Variants in LRTM2 observed in about 807,000 individuals in gnomAD.
LRTM2 encodes the protein leucine rich repeat transmembrane protein 2.
Under a neutral mutation model 28.1 loss-of-function variants are expected in LRTM2, and 18 were observed. The ratio of observed to expected loss-of-function variants is 0.64; its 90% CI spans 0.44 to 0.95. LRTM2 has a LOEUF of 0.95. Among genes scored for constraint, LRTM2 ranks in the 40% least tolerant of loss-of-function variants. LRTM2 has a pLI of 0.00. For synonymous variants in LRTM2, 250 were observed against 218.7 expected (o/e 1.14, Z -1.26); for missense variants, 436 against 497.2 (o/e 0.88, Z 1.17).
Position 1,828,269 on chromosome 12 carries a change from G to T in LRTM2, c.67+54G>T. On this transcript the variant is annotated intron_variant, in intron 3 of 4. Transcript: ENST00000299194. This position sits in a 1 kb window ranked among gnomAD's most constrained non-coding sequence, Gnocchi z 4.2. ...GTGCGGGTTGGGTGGGGGTGCCGAGGTGACTGTAGGTAGCGCCATATGGGA... is the reference window on the plus strand; with the variant it reads ...GTGCGGGTTGGGTGGGGGTGCCGAGTTGACTGTAGGTAGCGCCATATGGGA... 2.1e-6 allele frequency: 3 copies of T among 1,452,174 alleles called. No homozygotes were observed. The highest frequency in any genetic ancestry group is 2.8e-6 in the Non-Finnish European group (3 of 1,076,870). 90.0% of individuals were successfully genotyped at this position (1,452,174 alleles called of 1,614,324 possible).
chr12:1,822,850 G>T (rs762786496), intron 1 of LRTM2, among the ~76,000 whole-genome samples: 1 of 152,154 alleles, frequency 6.6e-6, no homozygotes, highest in Admixed American at 6.5e-5. Flanking sequence ...CCTCCCCTGC[G>T]TCCTGGCCAC....
rs768025964 is a variant in LRTM2, at chr12:1,831,008, C to T, written c.141C>T (p.Ser47=). ...PTCPFSCKCD[S]RSLEVDCSGL... is the part of the protein sequence containing the mutation. The stretch of plus-strand genomic sequence containing the variant: ...GCCCTTTCTCCTGCAAGTGTGACAG[C>T]CGCAGCCTGGAGGTGGACTGCAGTG... Residue 47 remains serine, a synonymous_variant, in exon 4 of 5, where the codon AGC becomes AGT. Transcript: ENST00000299194. The T allele has an allele frequency of 6.2e-7, 1 of 1,614,154 alleles. No homozygotes were observed.
chr12:1,828,946 C>T lies in LRTM2; in HGVS notation c.67+731C>T, dbSNP rs1019156399. On this transcript the variant is annotated intron_variant, in intron 3 of 4. Transcript: ENST00000299194. This position sits in a 1 kb window ranked among gnomAD's most constrained non-coding sequence, Gnocchi z 4.2. ...TGGTCTGCCCAAGGCTACACGGTGG[C>T]AGGGAGGAAACGGTCCCGCGGGACG... is the stretch of plus-strand genomic sequence containing the variant. Among the ~76,000 whole-genome samples, 1 of 152,188 alleles carries T rather than the reference C, an allele frequency of 6.6e-6. No homozygotes were observed. The highest frequency in any genetic ancestry group is 1.5e-5 in the Non-Finnish European group (1 of 68,038).
At position 1,828,003 on chromosome 12, in the gene LRTM2, G is replaced by A; in HGVS notation, c.-73-73G>A. The A allele has an allele frequency of 3.5e-6, 2 of 569,606 alleles. No individual in the cohort carries two copies. The highest frequency in any genetic ancestry group is 2.9e-6 in the Non-Finnish European group (1 of 343,840). 35.3% of individuals were successfully genotyped at this position (569,606 alleles called of 1,614,324 possible). A position where few individuals can be genotyped will look rare whatever the true frequency, so the allele number is the denominator to read the frequency against. On this transcript the variant is annotated intron_variant, in intron 2 of 4. Transcript: ENST00000299194. This position sits in a 1 kb window ranked among gnomAD's most constrained non-coding sequence, Gnocchi z 4.2. ...ATGAGGAGTGTAAAGAGACACCCGG[G>A]CCCTCTCCCTAACCCCTGGGCTGGA...
At chr12:1,822,133 C>T (rs11608292) in intron 1 of LRTM2, 10,446 of 152,200 alleles carry the variant, frequency 0.069, 475 homozygotes, top group Non-Finnish European at 0.1. Flanking sequence ...GCCAGGCCCG[C>T]GGGGAGGGGT....
At position 1,828,032 on chromosome 12, in the gene LRTM2, G is replaced by C. The variant is rs1278106772; in HGVS notation, c.-73-44G>C. 3 of 935,584 alleles carry C rather than the reference G, an allele frequency of 3.2e-6. No individual in the cohort carries two copies. Among genetic ancestry groups the C allele is most frequent in the African/African-American group, 3.4e-5 (2 of 58,498 alleles). 58.0% of individuals were successfully genotyped at this position (935,584 alleles called of 1,614,324 possible). On this transcript the variant is annotated intron_variant, in intron 2 of 4. Transcript: ENST00000299194. This position sits in a 1 kb window ranked among gnomAD's most constrained non-coding sequence, Gnocchi z 4.2. ...TCTCCCTAACCCCTGGGCTGGAACG[G>C]GGCTCCCGCGCCTGCCTGTGCTCAG...
At chr12:1,824,190 G>A (rs909298113) in intron 1 of LRTM2, among the ~76,000 whole-genome samples, 3 of 152,184 alleles carry the variant, frequency 2.0e-5, no homozygotes, top group Admixed American at 2.0e-4. Flanking sequence ...TGGTCTCCTC[G>A]GTGGCCGTTT....
At chr12:1,825,838 A>G (rs1864292993) in intron 1 of LRTM2, among the ~76,000 whole-genome samples, 1 of 113,568 alleles carries the variant, frequency 8.8e-6, no homozygotes. Context: ...CCTGCAATCC[A>G]GTCCCGGACT....
chr12:1,834,462 C>T lies in LRTM2; in HGVS notation c.854C>T (p.Pro285Leu), dbSNP rs377646243. The T allele has an allele frequency of 5.2e-5, 84 of 1,610,808 alleles. No individual in the cohort carries two copies. The African/African-American group carries it at 7.3e-4, about 14-fold the overall frequency. Residue 285 changes from proline to leucine, a missense_variant, in exon 5 of 5, where the codon CCG becomes CTG. Coordinates refer to ENST00000299194, the MANE Select transcript of LRTM2 (RefSeq NM_001039029.3). This position sits in a 1 kb window ranked among gnomAD's most constrained non-coding sequence, Gnocchi z 7.6. Reference protein sequence around the residue: ...EPAKPKPGAEPEPEPSTACPQ... With the variant: ...EPAKPKPGAELEPEPSTACPQ... ...GCTAAGCCCAAGCCCGGGGCTGAGCCGGAGCCGGAGCCCAGCACAGCCTGC... is the reference window on the plus strand; with the variant it reads ...GCTAAGCCCAAGCCCGGGGCTGAGCTGGAGCCGGAGCCCAGCACAGCCTGC...
In LRTM2 at chr12:1,831,397, A is replaced by T; in HGVS notation, c.530A>T (p.Gln177Leu). ...RSLSLRSNRL[Q>L]NLDRLTFEPL... ...CTCTCGCTTCGCTCCAACCGTCTGC[A>T]GAATCTGGACCGGCTGACATTTGAA... Residue 177 changes from glutamine (Q) to leucine (L), a missense_variant, in exon 4 of 5, where the codon CAG (glutamine) becomes CTG (leucine). Coordinates refer to ENST00000299194, the MANE Select transcript of LRTM2 (RefSeq NM_001039029.3). 1 of 1,614,122 alleles carries T rather than the reference A, an allele frequency of 6.2e-7. No individual in the cohort carries two copies. The highest frequency in any genetic ancestry group is 1.3e-5 in the African/African-American group (1 of 75,060).
intron 1 of LRTM2, 150 bp from the exon 2 acceptor site, chr12:1,827,260 C>G (rs1228634641): frequency 7.0e-6 from 1 of 143,114 alleles, no homozygotes; most frequent in African/African-American, 2.6e-5. Flanking sequence ...AGCCTGTGTC[C>G]CAGTTGGGAG....
intron 4 of LRTM2, among the ~76,000 whole-genome samples, chr12:1,832,904 C>T (rs115013245): frequency 0.016 from 2,364 of 152,302 alleles, 72 homozygotes; most frequent in African/African-American, 0.051. Context: ...GTCTTCCCAG[C>T]AGGGAAATGA....
At position 1,834,206 on chromosome 12, in the gene LRTM2, G is replaced by C. The variant is rs950112154; in HGVS notation, c.659-61G>C. ...CTTCCGTTTTGGGGAGCTGGGGATGGGGAGAGGGAGTGCAAGTTCTAGATG... is the reference window on the plus strand; with the variant it reads ...CTTCCGTTTTGGGGAGCTGGGGATGCGGAGAGGGAGTGCAAGTTCTAGATG... On this transcript the variant is annotated intron_variant, in intron 4 of 4. Coordinates refer to ENST00000299194, the MANE Select transcript of LRTM2 (RefSeq NM_001039029.3). The surrounding 1 kb of genome is among the most constrained non-coding windows in gnomAD (Gnocchi z 7.6). 3.8e-5 allele frequency: 57 copies of C among 1,505,460 alleles called. No individual in the cohort carries two copies. The highest frequency in any genetic ancestry group is 2.2e-5 in the Admixed American group (1 of 44,710). 93.3% of individuals were successfully genotyped at this position (1,505,460 alleles called of 1,614,324 possible).
rs147128526 is a variant in LRTM2 at position 1,831,489 on chromosome 12, G to C, written c.622G>C (p.Glu208Gln). Residue 208 changes from glutamate to glutamine, a missense_variant, in exon 4 of 5, where the codon GAG becomes CAG. Transcript: ENST00000299194. Reference sequence around the variant, plus strand: ...CTGGGAGTGTGACTGTAACCTGCGTGAGTTCAAACACTGGATGGAGTGGTT... The same window carrying C: ...CTGGGAGTGTGACTGTAACCTGCGTCAGTTCAAACACTGGATGGAGTGGTT... ...NPWECDCNLR[E>Q]FKHWMEWFSY... is the part of the protein sequence containing the mutation. 1.9e-6 allele frequency: 3 copies of C among 1,613,722 alleles called. No individual in the cohort carries two copies. Among genetic ancestry groups the C allele is most frequent in the African/African-American group, 1.3e-5 (1 of 74,922 alleles).
chr12:1,834,378 A>T lies in LRTM2; in HGVS notation c.770A>T (p.Asn257Ile). The T allele has an allele frequency of 6.2e-7, 1 of 1,613,226 alleles. No individual in the cohort carries two copies. The highest frequency in any genetic ancestry group is 8.5e-7 in the Non-Finnish European group (1 of 1,180,004). The change falls in exon 5 of 5, where the codon AAT becomes ATT. Residue 257 changes from asparagine (N) to isoleucine (I), a missense_variant. Coordinates refer to ENST00000299194, the MANE Select transcript of LRTM2 (RefSeq NM_001039029.3). The surrounding 1 kb of genome is among the most constrained non-coding windows in gnomAD (Gnocchi z 7.6). ...FNYCSQLEDE[N>I]SSAGLDIPGP... The stretch of plus-strand genomic sequence containing the variant: ...TACTGCTCCCAGCTGGAGGACGAGA[A>T]TAGCTCAGCTGGGCTGGATATTCCT...
chr12:1,831,548 G>C, intron 4 of LRTM2, 23 bp downstream of exon 4: 2 of 1,587,100 alleles, frequency 1.3e-6, no homozygotes, highest in Middle Eastern at 3.3e-4. Context: ...GGCCCTGCTG[G>C]GGCCCGAGGG....
intron 2 of LRTM2, 172 bp downstream of exon 2, chr12:1,827,766 T>C (rs752412432): frequency 9.5e-6 from 2 of 211,576 alleles, no homozygotes; most frequent in Non-Finnish European, 1.9e-5. Flanking sequence ...CATGAAAACA[T>C]CTGAGTGATC....
chr12:1,831,753 A>ACCCCCCCCCC (rs1864642482), intron 4 of LRTM2, among the ~76,000 whole-genome samples: 2 of 64,486 alleles, frequency 3.1e-5, no homozygotes, highest in African/African-American at 5.9e-5. Context: ...CTCCACCCCC[A>ACCCCCCCCCC]CCCTCCCCTC....
Position 1,828,639 on chromosome 12 carries a change from T to A in LRTM2, c.67+424T>A, listed in dbSNP as rs960137219. Among the ~76,000 whole-genome samples the A allele has an allele frequency of 6.6e-6, 1 of 152,226 alleles. No homozygotes were observed. Among genetic ancestry groups the A allele is most frequent in the Non-Finnish European group, 1.5e-5 (1 of 68,026 alleles). On this transcript the variant is annotated intron_variant, in intron 3 of 4. Transcript: ENST00000299194. The surrounding 1 kb of genome is among the most constrained non-coding windows in gnomAD (Gnocchi z 4.2). Reference sequence around the variant, plus strand: ...TCCCGTGGGGAACTGCCCCCTTGGCTGGCCTCGGCCAGGAGCTGGGTCAGC... The same window carrying A: ...TCCCGTGGGGAACTGCCCCCTTGGCAGGCCTCGGCCAGGAGCTGGGTCAGC...
Sources: gnomAD v4.1 joint callset for allele counts (sites outside exome capture counted in the v4.1 genomes callset) on GRCh38, gnomAD v4.1.1 for gene constraint, Gnocchi (gnomAD v3.1) non-coding constraint, MANE v1.5 for transcripts, NCBI Gene and HGNC (gene_info 2026-07-23, HGNC 2026-07-21) for gene names.